The following OTC variants were observed in gnomAD, a reference collection of about 807,000 sequenced individuals.
OTC encodes ornithine transcarbamylase.
OTC carries 3 observed loss-of-function variants against 30.3 expected under a neutral mutation model. The observed-to-expected ratio is 0.10, with a 90% CI of 0.05 to 0.26. The LOEUF (loss-of-function observed/expected upper bound fraction) is 0.26. OTC is among the 10% of genes least tolerant of loss of function. OTC has a pLI of 1.00. For missense variants in OTC, 194 were observed against 260.3 expected (o/e 0.75, Z 1.75); for synonymous variants, 111 against 99.7 (o/e 1.11, Z -0.67).
chrX:38,388,322 A>T (rs1210110294), intron 4 of OTC, among the ~76,000 whole-genome samples: 1 of 111,667 alleles, frequency 9.0e-6, no homozygotes, highest in East Asian at 2.8e-4. Context: ...ACCCCCTAAC[A>T]TATCAGAAAA....
intron 3 of OTC, among the ~76,000 whole-genome samples, chrX:38,379,843 A>G (rs55878714): frequency 0.15 from 16,919 of 110,203 alleles, 1,385 homozygotes; most frequent in Middle Eastern, 0.26. Context: ...GTTAGCCAGG[A>G]TGGTCTCGAT....
rs745355036 is a variant in OTC, at chrX:38,415,490, C to T, written c.1005+3491C>T. 2.7e-5 allele frequency among the ~76,000 whole-genome samples: 3 copies of T among 111,759 alleles called. No homozygotes were observed. The South Asian group carries it at 1.1e-3, about 42-fold the overall frequency. On this transcript the variant is annotated intron_variant, in intron 9 of 9. Transcript: ENST00000039007. Reference sequence around the variant, plus strand: ...CTTGTCTTCCTCCAGACTACCCTATCCAATACAGTAGCCAGTAGGCACATA... The same window carrying T: ...CTTGTCTTCCTCCAGACTACCCTATTCAATACAGTAGCCAGTAGGCACATA...
the OTC span, among the ~76,000 whole-genome samples, chrX:38,347,111 T>A: frequency 8.9e-6 from 1 of 112,274 alleles, no homozygotes; most frequent in Non-Finnish European, 1.9e-5. Flanking sequence ...TAGAATATTA[T>A]TTTTTTCCTG....
intron 4 of OTC, among the ~76,000 whole-genome samples, chrX:38,394,098 A>G (rs143680839): frequency 0.015 from 1,637 of 112,431 alleles, 27 homozygotes; most frequent in African/African-American, 0.05. Flanking sequence ...AAAGCAATAC[A>G]TTCATTGGTT....
chrX:38,349,926 A>G (rs1159887146), upstream of OTC, among the ~76,000 whole-genome samples: 3 of 111,456 alleles, frequency 2.7e-5, no homozygotes, highest in African/African-American at 9.8e-5. Context: ...TTCCAGTTAT[A>G]TATCATTTGT....
At chrX:38,422,519 G>A (rs755610683), downstream of OTC, among the ~76,000 whole-genome samples, 1 of 111,959 alleles carries the variant, frequency 8.9e-6, no homozygotes, top group East Asian at 2.8e-4. Flanking sequence ...CCATAGTAAC[G>A]AGCTCCCATC....
At chrX:38,410,660 A>G (rs1257378081) in intron 8 of OTC, among the ~76,000 whole-genome samples, 1 of 111,577 alleles carries the variant, frequency 9.0e-6, no homozygotes, top group East Asian at 2.8e-4. Context: ...CTAATCCCTT[A>G]TCATGTGGAA....
At chrX:38,385,531 C>T (rs942393229) in intron 4 of OTC, among the ~76,000 whole-genome samples, 1 of 111,335 alleles carries the variant, frequency 9.0e-6, no homozygotes, top group African/African-American at 3.3e-5. Flanking sequence ...GCCAGGTACG[C>T]AATGCTGTAG....
chrX:38,340,459 G>GTTTTTTTTTTTTT, the OTC span, among the ~76,000 whole-genome samples: 1 of 60,535 alleles, frequency 1.7e-5, no homozygotes, highest in Non-Finnish European at 3.0e-5. Context: ...TTGTTTTTTT[G>GTTTTTTTTTTTTT]TTTTTTTTTT....
At chrX:38,338,402 C>T in the OTC span, among the ~76,000 whole-genome samples, 2 of 112,287 alleles carry the variant, frequency 1.8e-5, no homozygotes, top group Admixed American at 1.9e-4. Context: ...GTTCAGTTTA[C>T]TGTCAGTCAA....
chrX:38,391,948 C>T (rs930449047), intron 4 of OTC, among the ~76,000 whole-genome samples: 5 of 111,717 alleles, frequency 4.5e-5, no homozygotes, highest in Non-Finnish European at 1.9e-5. Context: ...GCCACTGATA[C>T]CACCATCATC....
chrX:38,351,935 A>G (rs2068219030), upstream of OTC, among the ~76,000 whole-genome samples: 1 of 110,633 alleles, frequency 9.0e-6, no homozygotes, highest in Non-Finnish European at 1.9e-5. Flanking sequence ...TAATTTTTGT[A>G]TTTTTAGTGG....
intron 3 of OTC, among the ~76,000 whole-genome samples, chrX:38,378,565 A>G (rs961852841): frequency 8.9e-6 from 1 of 111,844 alleles, no homozygotes; most frequent in African/African-American, 3.3e-5. Flanking sequence ...AAGTATTATT[A>G]GAGCTAATAA....
chrX:38,356,698 C>T (rs1482896248), intron 1 of OTC, among the ~76,000 whole-genome samples: 1 of 110,180 alleles, frequency 9.1e-6, no homozygotes, highest in Non-Finnish European at 1.9e-5. Context: ...GGGCCTCATC[C>T]GGGACAGGCA....
the OTC span, among the ~76,000 whole-genome samples, chrX:38,344,564 C>G: frequency 1.8e-5 from 2 of 111,246 alleles, no homozygotes; most frequent in East Asian, 5.6e-4. Context: ...ATCTCAACCT[C>G]AAGCCTTAGA....
In OTC at chrX:38,391,008, C is replaced by A. The variant is rs762867758; in HGVS notation, c.386+9579C>A. 1.6e-4 allele frequency among the ~76,000 whole-genome samples: 18 copies of A among 111,430 alleles called. No individual in the cohort carries two copies. The East Asian group carries it at 4.8e-3, about 30-fold the overall frequency. ...TACCAAAAGAAAAAACACCAAGCAA[C>A]AACAGAAACTAAGGGTTGGAAAGGA... On this transcript the variant is annotated intron_variant, in intron 4 of 9. Coordinates refer to ENST00000039007, the MANE Select transcript of OTC (RefSeq NM_000531.6).
chrX:38,352,041 G>C (rs748647389), upstream of OTC, among the ~76,000 whole-genome samples: 1 of 112,414 alleles, frequency 8.9e-6, no homozygotes, highest in African/African-American at 3.2e-5. Flanking sequence ...GATTACAGGC[G>C]TGAGCCACCG....
At chrX:38,353,312 T>C (rs1442840013) in intron 1 of OTC, among the ~76,000 whole-genome samples, 1 of 111,762 alleles carries the variant, frequency 8.9e-6, no homozygotes. Context: ...CTGTCTCCAA[T>C]GAATTCATTA....
chrX:38,350,822 C>A (rs911303701), upstream of OTC, among the ~76,000 whole-genome samples: 1 of 111,076 alleles, frequency 9.0e-6, no homozygotes, highest in East Asian at 2.8e-4. Flanking sequence ...TCTCCCCAAG[C>A]ATTACCAATA....
Sources: allele counts gnomAD v4.1 joint callset (sites outside exome capture counted in the v4.1 genomes callset), GRCh38; gene constraint gnomAD v4.1.1; transcripts MANE v1.5; gene names NCBI Gene and HGNC (gene_info 2026-07-23, HGNC 2026-07-21).